SPIDR: variants seen among roughly 807,000 people sequenced by gnomAD.
The protein encoded by SPIDR is scaffold protein involved in DNA repair.
In SPIDR, 93 loss-of-function variants were observed where a neutral mutation model predicts 104.6. The observed-to-expected ratio is 0.89, with a 90% CI of 0.75 to 1.06. The LOEUF is 1.06. Among genes scored for constraint, SPIDR ranks in the 50% least tolerant of loss-of-function variants. SPIDR has a pLI of 0.00. For synonymous variants in SPIDR, 431 were observed against 416.9 expected (o/e 1.03, Z -0.41); for missense variants, 1,154 against 1,111.2 (o/e 1.04, Z -0.55).
intron 5 of SPIDR, among the ~76,000 whole-genome samples, chr8:47,363,925 GT>G (rs1273050609): frequency 1.3e-5 from 2 of 151,582 alleles, no homozygotes; most frequent in African/African-American, 4.9e-5. Context: ...TTCTAGCAAG[GT>G]CTATGAGCTA....
At chr8:47,437,062 T>C (rs548355046) in intron 7 of SPIDR, among the ~76,000 whole-genome samples, 1 of 152,374 alleles carries the variant, frequency 6.6e-6, no homozygotes, top group African/African-American at 2.4e-5. Context: ...TCAAAATTCA[T>C]AGTTACTGGA....
chr8:47,459,338 G>A (rs782433133), intron 8 of SPIDR, among the ~76,000 whole-genome samples: 2 of 151,986 alleles, frequency 1.3e-5, no homozygotes, highest in Non-Finnish European at 2.9e-5. Flanking sequence ...TCTGTTCAGG[G>A]TTTCTAATTC....
chr8:47,642,572 G>A (rs567634402), intron 10 of SPIDR, among the ~76,000 whole-genome samples: 62 of 152,136 alleles, frequency 4.1e-4, no homozygotes, highest in African/African-American at 1.4e-3. Flanking sequence ...AATGTTTTTC[G>A]TATGCAAGAA....
In SPIDR at chr8:47,729,313, G is replaced by A. The variant is rs2084822629; in HGVS notation, c.2551-99G>A. The A allele has an allele frequency of 3.3e-6, 5 of 1,500,924 alleles. No individual in the cohort carries two copies. In the South Asian group the frequency reaches 6.2e-5, roughly 19 times the overall value. 93.0% of individuals were successfully genotyped at this position (1,500,924 alleles called of 1,614,324 possible). On this transcript the variant is annotated intron_variant, in intron 18 of 19. Transcript: ENST00000297423. The stretch of plus-strand genomic sequence containing the variant: ...GAGACTGAAGCTCTGAAGACAGGTG[G>A]TTTGGATATAACATGTTAATTTTCG...
At chr8:47,341,475 A>G (rs1554613971) in intron 5 of SPIDR, among the ~76,000 whole-genome samples, 2 of 152,186 alleles carry the variant, frequency 1.3e-5, no homozygotes, top group African/African-American at 4.8e-5. Context: ...ATTGGGAACT[A>G]AAAAGTATTC....
At chr8:47,469,747 C>G (rs2075408879) in intron 8 of SPIDR, among the ~76,000 whole-genome samples, 1 of 152,000 alleles carries the variant, frequency 6.6e-6, no homozygotes, top group Non-Finnish European at 1.5e-5. Context: ...GGGAGAGGAT[C>G]AGGAAAAATA....
intron 8 of SPIDR, among the ~76,000 whole-genome samples, chr8:47,588,141 G>A (rs1414816087): frequency 2.3e-5 from 3 of 130,474 alleles, no homozygotes; most frequent in Non-Finnish European, 4.8e-5. Context: ...ATTTCTTTAA[G>A]CCTATAGATC....
chr8:47,677,686 A>T (rs1416488982), intron 11 of SPIDR, among the ~76,000 whole-genome samples: 1 of 152,224 alleles, frequency 6.6e-6, no homozygotes, highest in Non-Finnish European at 1.5e-5. Context: ...GTCCCTTTCA[A>T]CCCAAAACAG....
At chr8:47,397,203 G>A (rs2061340240) in intron 6 of SPIDR, among the ~76,000 whole-genome samples, 1 of 152,046 alleles carries the variant, frequency 6.6e-6, no homozygotes, top group African/African-American at 2.4e-5. Context: ...ACTCAATGAA[G>A]GTAAGAAAGA....
At chr8:47,284,860 A>G (rs2038511716) in intron 3 of SPIDR, among the ~76,000 whole-genome samples, 1 of 152,246 alleles carries the variant, frequency 6.6e-6, no homozygotes, top group Admixed American at 6.5e-5. Context: ...TGTTGCTGCT[A>G]AAGAAAACTG....
chr8:47,597,113 G>A (rs2061707518), intron 9 of SPIDR, among the ~76,000 whole-genome samples: 1 of 152,258 alleles, frequency 6.6e-6, no homozygotes, highest in South Asian at 2.1e-4. Flanking sequence ...ACAATAAAAA[G>A]TATAGTACAG....
intron 5 of SPIDR, 68 bp downstream of exon 5, chr8:47,294,098 T>C: frequency 6.5e-7 from 1 of 1,535,280 alleles, no homozygotes; most frequent in South Asian, 1.3e-5. Context: ...TGTCATTTTT[T>C]TTTTTGTTTT....
chr8:47,572,430 G>A (rs1452843421), intron 8 of SPIDR, among the ~76,000 whole-genome samples: 1 of 152,066 alleles, frequency 6.6e-6, no homozygotes, highest in African/African-American at 2.4e-5. Context: ...TCGGGAGTTC[G>A]AGGCGGGTGG....
intron 16 of SPIDR, among the ~76,000 whole-genome samples, chr8:47,724,818 G>A (rs1409058865): frequency 6.6e-6 from 1 of 152,190 alleles, no homozygotes; most frequent in Non-Finnish European, 1.5e-5. Flanking sequence ...AGGCCTCCTC[G>A]TCTCTATTCT....
At chr8:47,682,686 A>G (rs1310963766) in intron 11 of SPIDR, among the ~76,000 whole-genome samples, 3 of 152,224 alleles carry the variant, frequency 2.0e-5, no homozygotes, top group Admixed American at 6.5e-5. Context: ...TAGTTTCTCA[A>G]TGGAACTTCT....
At chr8:47,633,429 G>A (rs564248886) in intron 10 of SPIDR, among the ~76,000 whole-genome samples, 1 of 152,108 alleles carries the variant, frequency 6.6e-6, no homozygotes, top group Admixed American at 6.5e-5. Flanking sequence ...AGAAGCAACA[G>A]GACCATGAAC....
intron 10 of SPIDR, among the ~76,000 whole-genome samples, chr8:47,614,592 T>C (rs57943847): frequency 0.051 from 7,794 of 152,302 alleles, 676 homozygotes; most frequent in African/African-American, 0.18. Context: ...ATCCAGTCTA[T>C]CATTGGTGGG....
chr8:47,709,134 G>A (rs1033543984), intron 14 of SPIDR, among the ~76,000 whole-genome samples: 2 of 151,852 alleles, frequency 1.3e-5, no homozygotes, highest in Non-Finnish European at 2.9e-5. Context: ...CACTACACCC[G>A]GCTAATTTTT....
intron 10 of SPIDR, among the ~76,000 whole-genome samples, chr8:47,610,970 A>G (rs2063527509): frequency 6.6e-6 from 1 of 152,212 alleles, no homozygotes; most frequent in South Asian, 2.1e-4. Context: ...TCATTTAACC[A>G]TAAATAAGTC....
Sources: gnomAD v4.1 joint callset for allele counts (sites outside exome capture counted in the v4.1 genomes callset) on GRCh38, gnomAD v4.1.1 for gene constraint, MANE v1.5 for transcripts, NCBI Gene and HGNC (gene_info 2026-07-23, HGNC 2026-07-21) for gene names.